Variants in TSPAN9 observed in about 807,000 individuals in gnomAD.
TSPAN9 encodes the protein tetraspanin 9.
A neutral mutation model predicts 31.0 loss-of-function variants in TSPAN9; 16 were observed. The ratio of observed to expected loss-of-function variants is 0.52; its 90% confidence interval spans 0.35 to 0.78. The LOEUF is 0.78. Among genes scored for constraint, TSPAN9 ranks in the 30% least tolerant of loss-of-function variants. The pLI, the probability that TSPAN9 is intolerant of heterozygous loss-of-function variation, is 0.01. For missense variants in TSPAN9, 272 were observed against 312.5 expected (o/e 0.87, Z 0.98); for synonymous variants, 145 against 121.6 (o/e 1.19, Z -1.27).
At chr12:3,247,535 A>C (rs1185666299) in intron 3 of TSPAN9, among the ~76,000 whole-genome samples, 3 of 152,166 alleles carry the variant, frequency 2.0e-5, no homozygotes, top group Non-Finnish European at 4.4e-5. Context: ...GCGAGGGAAG[A>C]CACCTTAAGA....
chr12:3,126,582 T>A (rs936514750), intron 2 of TSPAN9, among the ~76,000 whole-genome samples: 4 of 152,194 alleles, frequency 2.6e-5, no homozygotes, highest in Non-Finnish European at 4.4e-5. Context: ...TGCACTGCTA[T>A]AAAGAAATAC....
chr12:3,227,629 C>T (rs951283997), intron 3 of TSPAN9, among the ~76,000 whole-genome samples: 2 of 152,166 alleles, frequency 1.3e-5, no homozygotes. Context: ...GGCAGGCTTG[C>T]GTGCCAGGCC....
At chr12:3,184,529 G>A (rs768392347) in intron 2 of TSPAN9, among the ~76,000 whole-genome samples, 7 of 152,182 alleles carry the variant, frequency 4.6e-5, no homozygotes, top group Admixed American at 6.5e-5. Flanking sequence ...TTTCTTTAAG[G>A]TGTGGGTGCT....
rs1299099842 is a variant in TSPAN9 at position 3,264,343 on chromosome 12, C to G, written c.64-14078C>G. Among the ~76,000 whole-genome samples the G allele has an allele frequency of 2.0e-5, 3 of 152,326 alleles. No individual in the cohort carries two copies. In the East Asian group the frequency reaches 5.8e-4, roughly 29 times the overall value. On this transcript the variant is annotated intron_variant, in intron 3 of 8. Coordinates refer to ENST00000011898, the MANE Select transcript of TSPAN9 (RefSeq NM_006675.5). ...CTTCCCGCCCGCCAGCCCGCCTCAACCCACCTCCTCTGGAGCTGGCTTTCC... is the reference window on the plus strand; with the variant it reads ...CTTCCCGCCCGCCAGCCCGCCTCAAGCCACCTCCTCTGGAGCTGGCTTTCC...
Position 3,143,529 on chromosome 12 carries a change from C to T in TSPAN9, c.-17-57648C>T, listed in dbSNP as rs2098335834. 6.6e-6 allele frequency among the ~76,000 whole-genome samples: 1 copy of T among 151,868 alleles called. No homozygotes were observed. The highest frequency in any genetic ancestry group is 1.5e-5 in the Non-Finnish European group (1 of 67,992). The stretch of plus-strand genomic sequence containing the variant: ...ATTTCTTCTGTCCCACTTATTTATT[C>T]AATTAGTTATTTTTATCATTACAGA... On this transcript the variant is annotated intron_variant, in intron 2 of 8. Transcript: ENST00000011898. The surrounding 1 kb of genome is among the most constrained non-coding windows in gnomAD (Gnocchi z 4.2).
At chr12:3,206,425 G>A (rs1203900757) in intron 3 of TSPAN9, 2 of 447,982 alleles carry the variant, frequency 4.5e-6, no homozygotes, top group Non-Finnish European at 9.1e-6. Flanking sequence ...AGAGGTGAGA[G>A]CATTCTAGGG....
chr12:3,100,818 T>G (rs2098311549), intron 2 of TSPAN9, among the ~76,000 whole-genome samples: 1 of 152,270 alleles, frequency 6.6e-6, no homozygotes, highest in African/African-American at 2.4e-5. Flanking sequence ...AAGTTGGCTG[T>G]GTCTTTGAGT....
intron 3 of TSPAN9, among the ~76,000 whole-genome samples, chr12:3,205,450 G>C (rs908506657): frequency 6.6e-6 from 1 of 152,182 alleles, no homozygotes. Context: ...CAGCATGGTC[G>C]GGCTCTCCAG....
intron 2 of TSPAN9, among the ~76,000 whole-genome samples, chr12:3,157,713 G>A (rs2098342983): frequency 6.6e-6 from 1 of 152,144 alleles, no homozygotes; most frequent in Admixed American, 6.5e-5. Context: ...TGGAACCACG[G>A]TCCCAGACCT....
At chr12:3,184,367 C>T (rs1251614607) in intron 2 of TSPAN9, among the ~76,000 whole-genome samples, 1 of 151,306 alleles carries the variant, frequency 6.6e-6, no homozygotes, top group Admixed American at 6.6e-5. Flanking sequence ...CACTGTGTTC[C>T]AGCCTGGGTG....
At chr12:3,200,454 G>C (rs902652807) in intron 2 of TSPAN9, 1 of 152,366 alleles carries the variant, frequency 6.6e-6, no homozygotes, top group Non-Finnish European at 1.5e-5. Flanking sequence ...GTCGCGGAAC[G>C]AGAGGAGGCG....
intron 3 of TSPAN9, among the ~76,000 whole-genome samples, chr12:3,271,352 T>G (rs1409793148): frequency 6.6e-6 from 1 of 152,176 alleles, no homozygotes; most frequent in Non-Finnish European, 1.5e-5. Flanking sequence ...ACTAGAAGTA[T>G]AGAGCTCAGA....
At chr12:3,226,601 C>T (rs1038357160) in intron 3 of TSPAN9, among the ~76,000 whole-genome samples, 4 of 147,420 alleles carry the variant, frequency 2.7e-5, no homozygotes, top group Non-Finnish European at 6.0e-5. Context: ...GAGTTTGAGG[C>T]CAGCCTAGGC....
chr12:3,268,815 A>C (rs74671481), intron 3 of TSPAN9, among the ~76,000 whole-genome samples: 2 of 16,452 alleles, frequency 1.2e-4, no homozygotes, highest in Non-Finnish European at 1.4e-4. Context: ...TGTTCCTGCA[A>C]CCTGCCCTCC....
chr12:3,114,156 C>G (rs2098320809), intron 2 of TSPAN9, among the ~76,000 whole-genome samples: 1 of 152,226 alleles, frequency 6.6e-6, no homozygotes, highest in South Asian at 2.1e-4. Context: ...ACCATATGGT[C>G]TCTGCTGCAG....
intron 2 of TSPAN9, among the ~76,000 whole-genome samples, chr12:3,121,813 A>G (rs2098325272): frequency 6.6e-6 from 1 of 152,298 alleles, no homozygotes; most frequent in African/African-American, 2.4e-5. Flanking sequence ...GTCTTGACAC[A>G]GTACTGGGAC....
intron 3 of TSPAN9, among the ~76,000 whole-genome samples, chr12:3,252,387 A>G (rs1399031128): frequency 6.6e-6 from 1 of 152,196 alleles, no homozygotes; most frequent in Non-Finnish European, 1.5e-5. Context: ...GCACGCAGGA[A>G]TGTTCATCCG....
intron 2 of TSPAN9, among the ~76,000 whole-genome samples, chr12:3,186,196 G>A (rs1362498058): frequency 6.6e-6 from 1 of 152,218 alleles, no homozygotes; most frequent in African/African-American, 2.4e-5. Context: ...GCACCTAGGG[G>A]TTTGGGAGAG....
chr12:3,121,326 A>G, intron 2 of TSPAN9, among the ~76,000 whole-genome samples: 1 of 93,742 alleles, frequency 1.1e-5, no homozygotes, highest in Non-Finnish European at 2.1e-5. Context: ...CATACTGGAG[A>G]GATTTTTCAA....
Sources: gnomAD v4.1 joint callset for allele counts (sites outside exome capture counted in the v4.1 genomes callset) on GRCh38, gnomAD v4.1.1 for gene constraint, Gnocchi (gnomAD v3.1) non-coding constraint, MANE v1.5 for transcripts, NCBI Gene and HGNC (gene_info 2026-07-23, HGNC 2026-07-21) for gene names.